HR: variants seen among roughly 807,000 people sequenced by gnomAD.
HR encodes HR lysine demethylase and nuclear receptor corepressor, also known as lysine-specific demethylase hairless.
In HR, 83 loss-of-function variants were observed where a neutral mutation model predicts 128.6. The ratio of observed to expected loss-of-function variants is 0.65; its 90% confidence interval spans 0.54 to 0.77. The LOEUF (loss-of-function observed/expected upper bound fraction) is 0.77. Ranked by LOEUF, HR falls within the 30% of genes least tolerant of loss-of-function variation. The probability of loss-of-function intolerance (pLI) is 0.00; values close to 1 mark genes in which losing one functional copy is unlikely to be tolerated. For missense variants in HR, 1,490 were observed against 1,574.6 expected (o/e 0.95, Z 0.91); for synonymous variants, 681 against 658.2 (o/e 1.03, Z -0.53).
In HR at chr8:22,116,933, CA is replaced by C. The variant is rs1277966474; in HGVS notation, c.3319del (p.Trp1107GlyfsTer25). The C allele has an allele frequency of 6.5e-7, 1 of 1,549,352 alleles. No individual in the cohort carries two copies. Among genetic ancestry groups the C allele is most frequent in the Non-Finnish European group, 8.7e-7 (1 of 1,153,074 alleles). On this transcript the variant is annotated frameshift_variant, in exon 17 of 19. Transcript: ENST00000381418. LOFTEE classifies it high-confidence loss of function. This position sits in a 1 kb window ranked among gnomAD's most constrained non-coding sequence, Gnocchi z 4.2. ...RLREEWGVSC[W>X]TLLQAPGEAV... ...CTCTCCGGGGGCCTGGAGCAGGGTC[CA>C]GCAGCTCACGCCCCACTCCTCCCGC...
chr8:22,115,754 C>G lies in HR; in HGVS notation c.3516G>C (p.Trp1172Cys), dbSNP rs1403915530. The G allele has an allele frequency of 6.2e-7, 1 of 1,613,968 alleles. No homozygotes were observed. The highest frequency in any genetic ancestry group is 1.1e-5 in the South Asian group (1 of 91,076). ...DCHLLYAQMD[W>C]AVFQAVKVAV... Reference sequence around the variant, plus strand: ...CCACCTTCACTGCTTGGAACACAGCCCAGTCCATCTAGGAAAAAGAGAGAG... The same window carrying G: ...CCACCTTCACTGCTTGGAACACAGCGCAGTCCATCTAGGAAAAAGAGAGAG... The change falls in exon 19 of 19, where the codon TGG becomes TGC. Residue 1172 changes from tryptophan to cysteine, a missense_variant. Around this residue, in one of 3 missense-constraint regions of HR, gnomAD observed 423 missense variants for 495.9 expected, o/e 0.85. Coordinates refer to ENST00000381418, the MANE Select transcript of HR (RefSeq NM_005144.5).
chr8:22,128,631 G>C lies in HR; in HGVS notation c.540C>G (p.Pro180=), dbSNP rs762150387. 1 of 1,600,430 alleles carries C rather than the reference G, an allele frequency of 6.2e-7. No homozygotes were observed. The highest frequency in any genetic ancestry group is 1.1e-5 in the South Asian group (1 of 88,952). ...GLPPEHPCDW[P]LTPHPWVYSG... ...AGTATACCCAGGGGTGCGGGGTCAG[G>C]GGCCAGTCACATGGATGCTCTGGGG... Residue 180 remains proline (P), a synonymous_variant, in exon 2 of 19, where the codon CCC becomes CCG. Coordinates refer to ENST00000381418, the MANE Select transcript of HR (RefSeq NM_005144.5).
rs187219516 is a variant in HR at position 22,126,716 on chromosome 8, G to A, written c.1405+321C>T. 4.5e-3 allele frequency among the ~76,000 whole-genome samples: 690 copies of A among 152,348 alleles called. 2 individuals are homozygous for A. Among genetic ancestry groups the A allele is most frequent in the Non-Finnish European group, 7.4e-3 (503 of 68,032 alleles). On this transcript the variant is annotated intron_variant, in intron 3 of 18. Transcript: ENST00000381418. ...AGTAACTGAGGCCCAGAGAGGCGAA[G>A]CAACTCATCCGAGGTCACACAGCTA...
rs1826580968 is a variant in HR at position 22,116,199 on chromosome 8, C to G, written c.3507+101G>C. 4 of 1,548,962 alleles carry G rather than the reference C, an allele frequency of 2.6e-6. No homozygotes were observed. The highest frequency in any genetic ancestry group is 3.6e-6 in the Non-Finnish European group (4 of 1,126,442). Reference sequence around the variant, plus strand: ...TGCCCCTGCACAGGGTGGCTGCCTGCTTGGCACAGGGTGGGATCTGCTATG... The same window carrying G: ...TGCCCCTGCACAGGGTGGCTGCCTGGTTGGCACAGGGTGGGATCTGCTATG... On this transcript the variant is annotated intron_variant, in intron 18 of 18. Coordinates refer to ENST00000381418, the MANE Select transcript of HR (RefSeq NM_005144.5). This position sits in a 1 kb window ranked among gnomAD's most constrained non-coding sequence, Gnocchi z 4.2.
chr8:22,117,985 C>G (rs1046278703), intron 16 of HR: 2 of 152,450 alleles, frequency 1.3e-5, no homozygotes, highest in Admixed American at 1.3e-4. Context: ...AGCCCTGCCC[C>G]GTGAGTCACT....
intron 1 of HR, among the ~76,000 whole-genome samples, chr8:22,130,002 C>A (rs530169218): frequency 4.6e-5 from 7 of 152,324 alleles, no homozygotes; most frequent in African/African-American, 1.7e-4. Flanking sequence ...CTAGCCCAGC[C>A]AGCAGTGCCA....
Position 22,115,623 on chromosome 8 carries a change from T to TC in HR, c.*76dup, listed in dbSNP as rs1826566017. 5.7e-6 allele frequency: 7 copies of TC among 1,231,920 alleles called. No homozygotes were observed. The highest frequency in any genetic ancestry group is 5.1e-5 in the Admixed American group (3 of 58,344). The allele number at this position is 1,231,920 out of a possible 1,614,324, so 76.3% of individuals were successfully genotyped here. On this transcript the variant is annotated 3_prime_UTR_variant, in exon 19 of 19. Coordinates refer to ENST00000381418, the MANE Select transcript of HR (RefSeq NM_005144.5). Reference sequence around the variant, plus strand: ...GAAATCCCCAAGTCCCCTAGCGCCATCCCCTGCTGAAGTTGTGCCTGGGCT... The same window carrying TC: ...GAAATCCCCAAGTCCCCTAGCGCCATCCCCCTGCTGAAGTTGTGCCTGGGCT...
chr8:22,120,238 A>C, intron 12 of HR, 65 bp from the exon 13 acceptor site: 1 of 1,604,660 alleles, frequency 6.2e-7, no homozygotes, highest in Non-Finnish European at 8.5e-7. Flanking sequence ...CGGCGGCAGC[A>C]ACACCTGCTT....
chr8:22,120,063 G>A (rs375246939), intron 13 of HR, 41 bp downstream of exon 13: 57 of 1,568,170 alleles, frequency 3.6e-5, no homozygotes, highest in Admixed American at 2.9e-4. Context: ...CGGGGCCTGC[G>A]GTGGCGGGGA....
Position 22,120,391 on chromosome 8 carries a change from G to A in HR, c.2727C>T (p.Pro909=). The A allele has an allele frequency of 6.2e-7, 1 of 1,613,948 alleles. No homozygotes were observed. Among genetic ancestry groups the A allele is most frequent in the Non-Finnish European group, 8.5e-7 (1 of 1,180,018 alleles). Residue 909 remains proline (P), a synonymous_variant, in exon 12 of 19, where the codon CCC becomes CCT. Coordinates refer to ENST00000381418, the MANE Select transcript of HR (RefSeq NM_005144.5). Reference sequence around the variant, plus strand: ...AGAATGTTGTGCTGCCCAGGCTGCTGGGCTGGGGAGGTCCGAGGGGGCTCA... The same window carrying A: ...AGAATGTTGTGCTGCCCAGGCTGCTAGGCTGGGGAGGTCCGAGGGGGCTCA... ...QALSPLGPPQ[P]SSLGSTTFWE...
chr8:22,127,983 C>T, intron 2 of HR, 154 bp from the exon 3 acceptor site: 1 of 786,884 alleles, frequency 1.3e-6, no homozygotes, highest in Non-Finnish European at 2.1e-6. Flanking sequence ...TGGAGTGCCT[C>T]TGACACTGTC....
chr8:22,129,928 G>T (rs866355708), intron 1 of HR, among the ~76,000 whole-genome samples: 1 of 152,342 alleles, frequency 6.6e-6, no homozygotes, highest in East Asian at 1.9e-4. Flanking sequence ...GGCCCCCAGC[G>T]GGAAGAGCGC....
chr8:22,129,233 T>C (rs1826988485), intron 1 of HR, 23 bp from the exon 2 acceptor site: 1 of 1,505,398 alleles, frequency 6.6e-7, no homozygotes, highest in African/African-American at 1.4e-5. Context: ...CATCAAAGCA[T>C]GAGCTTCTGG....
chr8:22,127,846 G>C lies in HR; in HGVS notation c.613-17C>G. The stretch of plus-strand genomic sequence containing the variant: ...GTAAAAGCCCTAAAGAGGGGAGAAA[G>C]TGTTACGCTTCAGCTGACTTGGGCT... On this transcript the variant is annotated splice_polypyrimidine_tract_variant and intron_variant, in intron 2 of 18. Transcript: ENST00000381418. The C allele has an allele frequency of 6.3e-7, 1 of 1,598,214 alleles. No homozygotes were observed. Among genetic ancestry groups the C allele is most frequent in the African/African-American group, 1.3e-5 (1 of 75,048 alleles).
chr8:22,123,617 T>TTTGGGG, intron 6 of HR, 32 bp downstream of exon 6: 4 of 292,088 alleles, frequency 1.4e-5, no homozygotes, highest in Non-Finnish European at 2.5e-5. Context: ...GAGGGCTCCA[T>TTTGGGG]CCCGCCCTCC....
At chr8:22,117,185 AGTTT>A in intron 16 of HR, 146 bp from the exon 17 acceptor site, 2 of 827,856 alleles carry the variant, frequency 2.4e-6, no homozygotes, top group Non-Finnish European at 3.6e-6. Flanking sequence ...GGCATGGCTG[AGTTT>A]GTTTGGGGCT....
chr8:22,130,402 C>G (rs893768870), intron 1 of HR, 26 bp downstream of exon 1: 2 of 152,292 alleles, frequency 1.3e-5, no homozygotes, highest in African/African-American at 2.4e-5. Context: ...ACGAGTGTCC[C>G]CAGACGGCGC....
chr8:22,123,617 T>TTGGGGGGCCCCC, intron 6 of HR, 32 bp downstream of exon 6: 38 of 292,088 alleles, frequency 1.3e-4, no homozygotes, highest in Non-Finnish European at 2.2e-4. Flanking sequence ...GAGGGCTCCA[T>TTGGGGGGCCCCC]CCCGCCCTCC....
chr8:22,129,053 G>A lies in HR; in HGVS notation c.118C>T (p.Pro40Ser), dbSNP rs544241017. The change falls in exon 2 of 19, where the codon CCG (proline) becomes TCG (serine). Residue 40 changes from proline to serine, a missense_variant. By Grantham distance (74) the Pro-to-Ser change is moderately conservative. Coordinates refer to ENST00000381418, the MANE Select transcript of HR (RefSeq NM_005144.5). ...SPPRDGLHHG[P>S]LCLGEPAPFW... Reference sequence around the variant, plus strand: ...GGAGCAGGCTCTCCCAGGCACAGCGGCCCATGGTGCAGTCCATCTCGAGGC... The same window carrying A: ...GGAGCAGGCTCTCCCAGGCACAGCGACCCATGGTGCAGTCCATCTCGAGGC... 8 of 1,598,074 alleles carry A rather than the reference G, an allele frequency of 5.0e-6. No individual in the cohort carries two copies. The highest frequency in any genetic ancestry group is 3.4e-5 in the South Asian group (3 of 88,904).
Sources: gnomAD v4.1 joint callset for allele counts (sites outside exome capture counted in the v4.1 genomes callset) on GRCh38, gnomAD v4.1.1 for gene constraint, gnomAD v4.1.1 regional missense constraint, Gnocchi (gnomAD v3.1) non-coding constraint, MANE v1.5 for transcripts, NCBI Gene and HGNC (gene_info 2026-07-23, HGNC 2026-07-21) for gene names.